NF1: variants seen among roughly 807,000 people sequenced by gnomAD.
NF1 encodes the protein neurofibromin.
In NF1, 122 loss-of-function variants were observed where a neutral mutation model predicts 325.7. The observed-to-expected ratio is 0.37, with a 90% CI of 0.32 to 0.44. The LOEUF (loss-of-function observed/expected upper bound fraction) is 0.44, where lower values mean the gene tolerates loss of function less well. NF1 is among the 20% of genes least tolerant of loss of function. The pLI, the probability that NF1 is intolerant of heterozygous loss-of-function variation, is 1.00. For missense variants in NF1, 2,140 were observed against 3,415.4 expected, an observed-to-expected ratio of 0.63 and a Z score of 9.31; for synonymous variants, 1,091 against 1,186.0, an observed-to-expected ratio of 0.92 and a Z score of 1.65.
At chr17:31,109,324 A>G (rs1370486228) in intron 1 of NF1, among the ~76,000 whole-genome samples, 1 of 152,078 alleles carries the variant, frequency 6.6e-6, no homozygotes, top group Admixed American at 6.6e-5. Context: ...TGCTTTATGT[A>G]TCTAAGTTCT....
At chr17:31,211,913 T>C (rs2066734873) in intron 12 of NF1, among the ~76,000 whole-genome samples, 1 of 152,172 alleles carries the variant, frequency 6.6e-6, no homozygotes, top group African/African-American at 2.4e-5. Flanking sequence ...TGCATTTTTC[T>C]CATACTCAGG....
intron 28 of NF1, 42 bp from the exon 29 acceptor site, chr17:31,235,876 A>G (rs756870931): frequency 6.2e-6 from 10 of 1,608,206 alleles, no homozygotes; most frequent in Non-Finnish European, 7.7e-6. Flanking sequence ...GGTAAAATAT[A>G]TGGAGCAGGT....
At chr17:31,161,049 A>G (rs1173011774) in intron 3 of NF1, among the ~76,000 whole-genome samples, 1 of 152,194 alleles carries the variant, frequency 6.6e-6, no homozygotes, top group Non-Finnish European at 1.5e-5. Context: ...TTTTAAATCA[A>G]AGTAAATTGA....
chr17:31,296,749 C>CTT, intron 36 of NF1: 1 of 202,084 alleles, frequency 4.9e-6, no homozygotes, highest in Non-Finnish European at 1.0e-5. Flanking sequence ...GCTGTCGTGT[C>CTT]TTTTTTTTTT....
chr17:31,177,682 G>T (rs1419207856), intron 5 of NF1, among the ~76,000 whole-genome samples: 1 of 151,912 alleles, frequency 6.6e-6, no homozygotes, highest in Non-Finnish European at 1.5e-5. Context: ...TAAATGACCT[G>T]ATGGAGCTGA....
chr17:31,337,943 T>C, intron 44 of NF1, 63 bp downstream of exon 44: 1 of 1,537,364 alleles, frequency 6.5e-7, no homozygotes, highest in Non-Finnish European at 9.0e-7. Context: ...CAGCTATTAC[T>C]GTATGATCAA....
chr17:31,102,426 C>T (rs933836095), intron 1 of NF1, among the ~76,000 whole-genome samples: 14 of 152,024 alleles, frequency 9.2e-5, no homozygotes, highest in African/African-American at 3.4e-4. Context: ...TAGCTTATTA[C>T]TGATTATTGT....
At chr17:31,136,386 A>G (rs527757122) in intron 1 of NF1, 2 of 151,902 alleles carry the variant, frequency 1.3e-5, no homozygotes, top group South Asian at 4.2e-4. Context: ...CTCCCCCCAC[A>G]ACCACTTATC....
At chr17:31,317,526 A>G (rs1362927883) in intron 36 of NF1, 1 of 152,144 alleles carries the variant, frequency 6.6e-6, no homozygotes. Flanking sequence ...ATTAATCATA[A>G]ACAGTGAAAC....
At chr17:31,324,379 A>G (rs1012810290) in intron 36 of NF1, among the ~76,000 whole-genome samples, 2 of 151,744 alleles carry the variant, frequency 1.3e-5, no homozygotes, top group Admixed American at 6.6e-5. Context: ...TATGTGTGAT[A>G]TTTTGATACA....
intron 36 of NF1, among the ~76,000 whole-genome samples, chr17:31,280,381 T>G (rs1346496410): frequency 6.6e-6 from 1 of 151,064 alleles, no homozygotes; most frequent in Non-Finnish European, 1.5e-5. Context: ...TGGTGGTGTG[T>G]GGGTATGTGC....
At chr17:31,200,927 C>T in intron 9 of NF1, 110 bp from the exon 10 acceptor site, 1 of 1,463,210 alleles carries the variant, frequency 6.8e-7, no homozygotes, top group East Asian at 2.3e-5. Context: ...CTTCTGGCAG[C>T]TGGATTTTAC....
chr17:31,208,701 G>A (rs1337372169), intron 12 of NF1, among the ~76,000 whole-genome samples: 2 of 152,140 alleles, frequency 1.3e-5, no homozygotes, highest in South Asian at 2.1e-4. Flanking sequence ...GACCAGCCTG[G>A]CCAACATGGT....
chr17:31,208,055 A>G (rs1363218113), intron 12 of NF1, among the ~76,000 whole-genome samples: 1 of 152,168 alleles, frequency 6.6e-6, no homozygotes, highest in Non-Finnish European at 1.5e-5. Context: ...TGTTCTCTAC[A>G]CTTAGAAGTT....
intron 36 of NF1, chr17:31,296,720 A>C: frequency 4.3e-6 from 1 of 231,308 alleles, no homozygotes; most frequent in Non-Finnish European, 8.6e-6. Context: ...ATGCTTTCTT[A>C]CTCAGATGAG....
At chr17:31,149,986 G>T (rs1916817943) in intron 1 of NF1, among the ~76,000 whole-genome samples, 1 of 152,194 alleles carries the variant, frequency 6.6e-6, no homozygotes, top group Admixed American at 6.5e-5. Flanking sequence ...GGAACTTTCT[G>T]GGTGCCTCTG....
At position 31,114,595 on chromosome 17, in the gene NF1, G is replaced by T. The variant is rs1286901595; in HGVS notation, c.60+19226G>T. Among the ~76,000 whole-genome samples the T allele has an allele frequency of 2.6e-5, 4 of 151,138 alleles. No individual in the cohort carries two copies. In the East Asian group the frequency reaches 7.8e-4, roughly 29 times the overall value. ...CCATGGGCCGGACATGGTGGCTCAC[G>T]CCTGTAATCCCAGCACTCTGGAAGC... On this transcript the variant is annotated intron_variant, in intron 1 of 57. Transcript: ENST00000358273.
intron 36 of NF1, among the ~76,000 whole-genome samples, chr17:31,310,169 C>T (rs537102400): frequency 6.6e-6 from 1 of 152,020 alleles, no homozygotes; most frequent in Non-Finnish European, 1.5e-5. Context: ...AACATTGTTT[C>T]TGTAGGTAAA....
chr17:31,313,661 G>A (rs17882020), intron 36 of NF1, among the ~76,000 whole-genome samples: 68,121 of 149,760 alleles, frequency 0.45, 18,983 homozygotes, highest in Non-Finnish European at 0.62. Context: ...AGCTGAGATC[G>A]TGCCACTGCA....
Sources: gnomAD v4.1 joint callset for allele counts (sites outside exome capture counted in the v4.1 genomes callset) on GRCh38, gnomAD v4.1.1 for gene constraint, MANE v1.5 for transcripts, NCBI Gene and HGNC (gene_info 2026-07-23, HGNC 2026-07-21) for gene names.